Variants in SBF2 observed in about 807,000 individuals in gnomAD.
SBF2 encodes SET binding factor 2.
SBF2 carries 112 observed loss-of-function variants against 225.2 expected under a neutral mutation model. That is an observed-to-expected ratio of 0.50 (90% CI 0.43 to 0.58). The LOEUF (loss-of-function observed/expected upper bound fraction) is 0.58, where lower values mean the gene tolerates loss of function less well. SBF2 is among the 20% of genes least tolerant of loss of function. The pLI is 0.00. For synonymous variants in SBF2, 763 were observed against 773.3 expected (o/e 0.99, Z 0.22); for missense variants, 1,996 against 2,206.2 (o/e 0.90, Z 1.91).
Position 10,006,430 on chromosome 11 carries a change from C to T in SBF2, c.620-3741G>A, listed in dbSNP as rs1045511944. On this transcript the variant is annotated intron_variant, in intron 6 of 39. Coordinates refer to ENST00000256190, the MANE Select transcript of SBF2 (RefSeq NM_030962.4). The stretch of plus-strand genomic sequence containing the variant: ...TACCATATGCTTTTTGTTCCTGTTA[C>T]GGTCCAGGGCTGAGTTTTCCGGTGG... Among the ~76,000 whole-genome samples, 4 of 152,296 alleles carry T rather than the reference C, an allele frequency of 2.6e-5. No homozygotes were observed. In the East Asian group the frequency reaches 7.7e-4, roughly 29 times the overall value.
At chr11:10,280,956 T>C (rs1963369655) in intron 1 of SBF2, among the ~76,000 whole-genome samples, 3 of 152,208 alleles carry the variant, frequency 2.0e-5, no homozygotes, top group Admixed American at 6.5e-5. Context: ...AAGCTTTTCA[T>C]TAACTCCTTA....
intron 2 of SBF2, among the ~76,000 whole-genome samples, chr11:10,109,011 T>C (rs1384507906): frequency 6.6e-6 from 1 of 151,910 alleles, no homozygotes; most frequent in Admixed American, 6.6e-5. Context: ...AGGAAAAGAG[T>C]AGGAACCTCC....
intron 16 of SBF2, among the ~76,000 whole-genome samples, chr11:9,909,793 C>T (rs934095860): frequency 3.9e-5 from 6 of 151,906 alleles, no homozygotes; most frequent in African/African-American, 1.5e-4. Context: ...CCTACTGAAA[C>T]CTAACCTTCT....
intron 16 of SBF2, among the ~76,000 whole-genome samples, chr11:9,898,289 A>T (rs1287931195): frequency 1.3e-5 from 2 of 152,200 alleles, no homozygotes; most frequent in Non-Finnish European, 2.9e-5. Flanking sequence ...CAGCTAAAAG[A>T]GTTTTCAATT....
intron 25 of SBF2, among the ~76,000 whole-genome samples, chr11:9,841,898 T>C (rs1298814306): frequency 1.3e-5 from 2 of 152,150 alleles, no homozygotes; most frequent in African/African-American, 2.4e-5. Flanking sequence ...TCTCTGAAGA[T>C]GAGGTTTCTT....
At chr11:10,246,370 G>A (rs1041157035) in intron 1 of SBF2, among the ~76,000 whole-genome samples, 5 of 152,062 alleles carry the variant, frequency 3.3e-5, no homozygotes, top group Non-Finnish European at 5.9e-5. Context: ...TGCAACCTCC[G>A]CCTCCCGGGT....
At chr11:10,213,238 C>G (rs562926485) in intron 1 of SBF2, among the ~76,000 whole-genome samples, 2 of 152,128 alleles carry the variant, frequency 1.3e-5, no homozygotes, top group Non-Finnish European at 2.9e-5. Context: ...GAACACCCAT[C>G]TTGGAGGATG....
rs1009751746 is a variant in SBF2 at position 9,832,355 on chromosome 11, C to T, written c.3521G>A (p.Cys1174Tyr). The change falls in exon 27 of 40, where the codon TGC (cysteine) becomes TAC (tyrosine). Residue 1174 changes from cysteine to tyrosine, a missense_variant. Physicochemically the swap from Cys to Tyr is radical, Grantham distance 194 (BLOSUM62 -2). Transcript: ENST00000256190. ...QDSSLPRVAR[C>Y]YRHNRLPVVC... is the part of the protein sequence containing the mutation. ...AACAGGCAGGCGATTGTGTCGATAG[C>T]AGCGAGCTACTCTTGGTAAACTACT... 6.2e-7 allele frequency: 1 copy of T among 1,614,032 alleles called. No individual in the cohort carries two copies. Among genetic ancestry groups the T allele is most frequent in the Non-Finnish European group, 8.5e-7 (1 of 1,179,996 alleles).
chr11:9,910,443 ATTATT>A (rs999988106), intron 16 of SBF2, among the ~76,000 whole-genome samples: 20 of 152,312 alleles, frequency 1.3e-4, no homozygotes, highest in Middle Eastern at 3.4e-3. Context: ...ACTTTTAATC[ATTATT>A]TTAGAGTACA....
At chr11:10,121,975 G>A (rs771574457) in intron 2 of SBF2, among the ~76,000 whole-genome samples, 41 of 152,138 alleles carry the variant, frequency 2.7e-4, no homozygotes, top group Non-Finnish European at 4.9e-4. Flanking sequence ...CAGGGTTTGT[G>A]TTCAAGTAAC....
intron 18 of SBF2, among the ~76,000 whole-genome samples, chr11:9,857,039 G>A (rs1158838409): frequency 5.3e-5 from 8 of 152,046 alleles, no homozygotes; most frequent in Admixed American, 6.5e-5. Flanking sequence ...AGCCCGCCTC[G>A]GCCTCCCAAA....
chr11:10,292,118 C>T (rs1291745738), intron 1 of SBF2, among the ~76,000 whole-genome samples: 1 of 152,214 alleles, frequency 6.6e-6, no homozygotes, highest in Admixed American at 6.5e-5. Flanking sequence ...TATTGCTAAA[C>T]TGGATCCTTT....
intron 2 of SBF2, among the ~76,000 whole-genome samples, chr11:10,056,679 T>C (rs906962527): frequency 6.6e-6 from 1 of 152,212 alleles, no homozygotes; most frequent in Non-Finnish European, 1.5e-5. Context: ...CATGAGTGGG[T>C]AATCCTGTTC....
intron 17 of SBF2, among the ~76,000 whole-genome samples, chr11:9,879,281 A>G (rs1859541690): frequency 6.6e-6 from 1 of 152,238 alleles, no homozygotes; most frequent in African/African-American, 2.4e-5. Flanking sequence ...AGGGACACAT[A>G]GTTATTAAAA....
At chr11:10,140,381 T>A (rs1405230432) in intron 2 of SBF2, among the ~76,000 whole-genome samples, 1 of 152,200 alleles carries the variant, frequency 6.6e-6, no homozygotes, top group Non-Finnish European at 1.5e-5. Context: ...TATTGGCCAA[T>A]GATTTTAATC....
intron 17 of SBF2, among the ~76,000 whole-genome samples, chr11:9,892,669 C>T (rs534246445): frequency 7.9e-5 from 12 of 152,098 alleles, no homozygotes; most frequent in African/African-American, 2.7e-4. Flanking sequence ...AAGCAATTCT[C>T]CTGCCACAGC....
At chr11:9,976,294 C>T (rs977700046) in intron 13 of SBF2, among the ~76,000 whole-genome samples, 1 of 152,000 alleles carries the variant, frequency 6.6e-6, no homozygotes, top group Non-Finnish European at 1.5e-5. Flanking sequence ...GGCTGGTCTC[C>T]AACTCCTGAC....
intron 17 of SBF2, 118 bp downstream of exon 17, chr11:9,895,822 CGCA>C: frequency 2.6e-6 from 2 of 758,216 alleles, no homozygotes; most frequent in Non-Finnish European, 4.7e-6. Flanking sequence ...TAAATATAAC[CGCA>C]GATATATCTT....
chr11:9,972,397 C>G (rs1946504895), intron 13 of SBF2, among the ~76,000 whole-genome samples: 1 of 152,174 alleles, frequency 6.6e-6, no homozygotes, highest in African/African-American at 2.4e-5. Flanking sequence ...ATAACTAAAG[C>G]CATCTCTTTC....
Sources: allele counts gnomAD v4.1 joint callset (sites outside exome capture counted in the v4.1 genomes callset), GRCh38; gene constraint gnomAD v4.1.1; transcripts MANE v1.5; gene names NCBI Gene and HGNC (gene_info 2026-07-23, HGNC 2026-07-21).